DAB1: variants seen among roughly 807,000 people sequenced by gnomAD.
The protein encoded by DAB1 is DAB adaptor protein 1.
In DAB1, 15 loss-of-function variants were observed where a neutral mutation model predicts 64.6. The ratio of observed to expected loss-of-function variants is 0.23; its 90% CI spans 0.16 to 0.36. The LOEUF is 0.36. Ranked by LOEUF, DAB1 falls within the 10% of genes least tolerant of loss-of-function variation. The probability of loss-of-function intolerance (pLI) is 1.00; values close to 1 mark genes in which losing one functional copy is unlikely to be tolerated. For synonymous variants in DAB1, 235 were observed against 251.9 expected (o/e 0.93, Z 0.64); for missense variants, 596 against 706.7 (o/e 0.84, Z 1.78).
At chr1:58,485,461 T>A (rs1645561465) in intron 3 of DAB1, among the ~76,000 whole-genome samples, 2 of 152,014 alleles carry the variant, frequency 1.3e-5, no homozygotes, top group Non-Finnish European at 1.5e-5. Context: ...AGGTTTTCTA[T>A]CACTACTTCT....
intron 2 of DAB1, among the ~76,000 whole-genome samples, chr1:57,222,717 C>T (rs1229373242): frequency 6.6e-6 from 1 of 152,158 alleles, no homozygotes; most frequent in African/African-American, 2.4e-5. Context: ...AGAAAACATA[C>T]ATACACGAGA....
intron 7 of DAB1, among the ~76,000 whole-genome samples, chr1:57,542,945 C>T (rs989897177): frequency 2.0e-5 from 3 of 152,136 alleles, no homozygotes; most frequent in African/African-American, 7.2e-5. Flanking sequence ...GGGAAGCCAG[C>T]TGCCATGTTC....
chr1:57,080,887 T>G (rs1007748438), intron 4 of DAB1, among the ~76,000 whole-genome samples: 1 of 152,122 alleles, frequency 6.6e-6, no homozygotes, highest in Non-Finnish European at 1.5e-5. Flanking sequence ...GGTAGCGGGA[T>G]AGAATAACTG....
intron 1 of DAB1, among the ~76,000 whole-genome samples, chr1:58,537,314 C>T (rs1242812658): frequency 2.6e-5 from 4 of 152,142 alleles, no homozygotes; most frequent in Admixed American, 2.6e-4. Flanking sequence ...CACTACTTTT[C>T]CCACTGCTCC....
At chr1:58,354,663 G>A (rs1644092092) in intron 3 of DAB1, among the ~76,000 whole-genome samples, 1 of 152,170 alleles carries the variant, frequency 6.6e-6, no homozygotes, top group Middle Eastern at 3.2e-3. Context: ...ACACAGAGGA[G>A]GAAGGGAGAG....
At chr1:58,086,242 C>T (rs535321693) in intron 5 of DAB1, among the ~76,000 whole-genome samples, 5 of 152,198 alleles carry the variant, frequency 3.3e-5, no homozygotes, top group South Asian at 4.1e-4. Context: ...GGATTACAGG[C>T]GTGAGCCACC....
intron 7 of DAB1, among the ~76,000 whole-genome samples, chr1:57,546,214 C>A (rs1402579320): frequency 2.0e-5 from 3 of 151,992 alleles, no homozygotes; most frequent in Non-Finnish European, 2.9e-5. Flanking sequence ...GTCATGGAAA[C>A]AAAGAAAGAT....
chr1:58,132,061 A>C (rs905927850), intron 5 of DAB1, among the ~76,000 whole-genome samples: 11 of 152,088 alleles, frequency 7.2e-5, no homozygotes, highest in Admixed American at 2.0e-4. Flanking sequence ...CCCAGCCTCA[A>C]TGCCGCCTTG....
intron 2 of DAB1, among the ~76,000 whole-genome samples, chr1:57,225,198 T>C (rs1457671145): frequency 6.6e-6 from 1 of 152,166 alleles, no homozygotes; most frequent in Non-Finnish European, 1.5e-5. Flanking sequence ...ACAATCAGAA[T>C]GGGGTCATGG....
intron 2 of DAB1, among the ~76,000 whole-genome samples, chr1:57,263,136 G>A (rs1312129678): frequency 8.8e-6 from 1 of 113,306 alleles, no homozygotes; most frequent in African/African-American, 3.3e-5. Context: ...TTTTTTTTGA[G>A]ACGGAGTCTC....
At chr1:57,819,112 C>A (rs546031613) in intron 6 of DAB1, among the ~76,000 whole-genome samples, 26 of 152,178 alleles carry the variant, frequency 1.7e-4, no homozygotes, top group Non-Finnish European at 3.1e-4. Flanking sequence ...TGGATGTAGA[C>A]AAAGTCTGAG....
chr1:58,441,790 A>C (rs1244913942), intron 3 of DAB1, among the ~76,000 whole-genome samples: 2 of 152,198 alleles, frequency 1.3e-5, no homozygotes, highest in East Asian at 3.8e-4. Flanking sequence ...GACTGACGTT[A>C]ATTTATGTAC....
intron 4 of DAB1, among the ~76,000 whole-genome samples, chr1:58,276,354 A>G (rs184355783): frequency 1.6e-4 from 25 of 152,316 alleles, no homozygotes; most frequent in Non-Finnish European, 2.8e-4. Flanking sequence ...TAAAGAAAAA[A>G]AAGCAATGTG....
At position 57,375,718 on chromosome 1, in the gene DAB1, A is replaced by G. The variant is rs1415583914; in HGVS notation, c.-137+48212T>C. On this transcript the variant is annotated intron_variant, in intron 1 of 14. Coordinates refer to ENST00000371236, the MANE Select transcript of DAB1 (RefSeq NM_001365792.1). ...CCATGACCCTGCCCTAACTCTGGGC[A>G]CACAGCACAGTAGCCTCATGCATGT... 2.6e-5 allele frequency among the ~76,000 whole-genome samples: 4 copies of G among 152,188 alleles called. No individual in the cohort carries two copies. The East Asian group carries it at 7.7e-4, about 29-fold the overall frequency.
chr1:58,027,437 A>G (rs1185393591), intron 5 of DAB1, among the ~76,000 whole-genome samples: 1 of 152,138 alleles, frequency 6.6e-6, no homozygotes, highest in Non-Finnish European at 1.5e-5. Flanking sequence ...TCTTTATAAC[A>G]TAATAATGAT....
chr1:57,142,206 G>C (rs1658645473), intron 3 of DAB1, among the ~76,000 whole-genome samples: 2 of 152,122 alleles, frequency 1.3e-5, no homozygotes, highest in Admixed American at 1.3e-4. Flanking sequence ...CAATCCAAGA[G>C]AAAACTCTCT....
intron 6 of DAB1, among the ~76,000 whole-genome samples, chr1:57,769,470 A>T (rs893924869): frequency 3.3e-5 from 5 of 152,184 alleles, no homozygotes; most frequent in African/African-American, 1.2e-4. Flanking sequence ...AAAACTAATC[A>T]AACATGTAGG....
At chr1:57,070,989 T>C in intron 7 of DAB1, 34 bp downstream of exon 7, 1 of 1,589,808 alleles carries the variant, frequency 6.3e-7, no homozygotes, top group South Asian at 1.1e-5. Flanking sequence ...TAGTCACTCT[T>C]GAATCTAAAA....
At chr1:58,343,554 T>G (rs1236428161) in intron 3 of DAB1, among the ~76,000 whole-genome samples, 1 of 151,872 alleles carries the variant, frequency 6.6e-6, no homozygotes, top group Admixed American at 6.6e-5. Context: ...GATGGAAGAG[T>G]CAAGTTTGGC....
Sources: gnomAD v4.1 joint callset for allele counts (sites outside exome capture counted in the v4.1 genomes callset) on GRCh38, gnomAD v4.1.1 for gene constraint, MANE v1.5 for transcripts, NCBI Gene and HGNC (gene_info 2026-07-23, HGNC 2026-07-21) for gene names.